Variants in FAM53A observed in about 807,000 individuals in gnomAD.
FAM53A encodes protein FAM53A.
Under a neutral mutation model 26.6 loss-of-function variants are expected in FAM53A, and 28 were observed. That is an observed-to-expected ratio of 1.05 (90% CI 0.78 to 1.45). The LOEUF is 1.45. Ranked by LOEUF, FAM53A falls within the 40% of genes most tolerant of loss-of-function variation. FAM53A has a pLI of 0.00. For synonymous variants in FAM53A, 290 were observed against 253.1 expected, an observed-to-expected ratio of 1.15 and a Z score of -1.38; for missense variants, 650 against 575.8, an observed-to-expected ratio of 1.13 and a Z score of -1.32.
At chr4:1,665,010 AT>A (rs747697142) in intron 2 of FAM53A, among the ~76,000 whole-genome samples, 1 of 150,472 alleles carries the variant, frequency 6.6e-6, no homozygotes, top group South Asian at 2.1e-4. Context: ...ATGAAAAATA[AT>A]TTTTTAAAAA....
chr4:1,680,336 A>C (rs1157498616), intron 1 of FAM53A, among the ~76,000 whole-genome samples: 12 of 134,400 alleles, frequency 8.9e-5, no homozygotes, highest in African/African-American at 1.6e-4. Flanking sequence ...AAAAAAAAAA[A>C]AAAAAAAAAC....
chr4:1,632,102 C>G (rs13435180), intron 1 of FAM53A, among the ~76,000 whole-genome samples: 1 of 147,720 alleles, frequency 6.8e-6, no homozygotes, highest in African/African-American at 2.5e-5. Context: ...AGGTGGAGGT[C>G]GCAGTGAGCT....
chr4:1,663,411 A>G (rs1302528893), intron 2 of FAM53A, among the ~76,000 whole-genome samples: 1 of 152,190 alleles, frequency 6.6e-6, no homozygotes, highest in Non-Finnish European at 1.5e-5. Context: ...AAACTCACAC[A>G]TGAATGTTCA....
chr4:1,683,373 T>C (rs1446111932), intron 1 of FAM53A: 1 of 152,212 alleles, frequency 6.6e-6, no homozygotes, highest in Non-Finnish European at 1.5e-5. Flanking sequence ...TTAAATTTCT[T>C]AAATATTGTG....
chr4:1,578,908 G>A, the FAM53A span, among the ~76,000 whole-genome samples: 1 of 76,472 alleles, frequency 1.3e-5, no homozygotes, highest in African/African-American at 5.1e-5. Flanking sequence ...GGAGGGGAGA[G>A]AAGAGGGGGA....
intron 2 of FAM53A, among the ~76,000 whole-genome samples, chr4:1,663,804 A>G (rs1389385182): frequency 4.0e-5 from 6 of 151,710 alleles, no homozygotes; most frequent in African/African-American, 7.3e-5. Flanking sequence ...CCCCGTCTCT[A>G]CCAAAAACAT....
the FAM53A span, among the ~76,000 whole-genome samples, chr4:1,582,506 G>A: frequency 6.6e-6 from 1 of 152,256 alleles, no homozygotes. Flanking sequence ...GGGAAGACCA[G>A]GAGGAGGCTG....
intron 3 of FAM53A, 33 bp downstream of exon 3, chr4:1,657,375 C>CA (rs1220386315): frequency 6.2e-7 from 1 of 1,601,728 alleles, no homozygotes; most frequent in Non-Finnish European, 8.5e-7. Context: ...CAGCCCTGCT[C>CA]AGGCCTCCGG....
At chr4:1,673,115 C>T (rs1206787995) in intron 1 of FAM53A, among the ~76,000 whole-genome samples, 3 of 152,146 alleles carry the variant, frequency 2.0e-5, no homozygotes, top group Non-Finnish European at 4.4e-5. Flanking sequence ...CAGACAATCT[C>T]AAAACAGGCC....
In FAM53A at chr4:1,660,880, CA is replaced by C. The variant is rs748357968; in HGVS notation, c.76-3413del. Among the ~76,000 whole-genome samples the C allele has an allele frequency of 7.0e-3, 955 of 137,062 alleles. 12 individuals are homozygous for C. The highest frequency in any genetic ancestry group is 0.023 in the African/African-American group (869 of 37,406). The allele number at this position is 137,062 out of a possible 152,430, so 89.9% of individuals were successfully genotyped here. On this transcript the variant is annotated intron_variant, in intron 2 of 4. Transcript: ENST00000308132. ...TGGGTGACAGAGCCAGACTCCATCTCAAAAAAAAAAAAACTAAAAGTTTTTT... is the reference window on the plus strand; with the variant it reads ...TGGGTGACAGAGCCAGACTCCATCTCAAAAAAAAAAAACTAAAAGTTTTTT...
At chr4:1,628,998 G>C (rs930277312) in intron 1 of FAM53A, among the ~76,000 whole-genome samples, 5 of 151,898 alleles carry the variant, frequency 3.3e-5, no homozygotes, top group Non-Finnish European at 2.9e-5. Flanking sequence ...ATGAGTCCCC[G>C]TGACCGCGTG....
chr4:1,612,893 TACAC>T, the FAM53A span, among the ~76,000 whole-genome samples: 1 of 152,056 alleles, frequency 6.6e-6, no homozygotes, highest in African/African-American at 2.4e-5. Flanking sequence ...GGCACCCACT[TACAC>T]ACACATGCCA....
rs1160901144 is a variant in FAM53A at position 1,630,516 on chromosome 4, C to T, written c.432-12405G>A. On this transcript the variant is annotated intron_variant, in intron 1 of 1. Coordinates refer to the FAM53A transcript ENST00000489029. This position sits in a 1 kb window ranked among gnomAD's most constrained non-coding sequence, Gnocchi z 4.3. ...CGAATCGTGTATGGGGACACACAGG[C>T]AAGAGCAGGGTCTACAAAAATACAC... Among the ~76,000 whole-genome samples, 2 of 152,200 alleles carry T rather than the reference C, an allele frequency of 1.3e-5. No homozygotes were observed. Among genetic ancestry groups the T allele is most frequent in the East Asian group, 3.9e-4 (2 of 5,194 alleles).
Position 1,659,707 on chromosome 4 carries a change from T to C in FAM53A, c.76-2239A>G, listed in dbSNP as rs1365243096. ...TGTCAAAAACACTTATTCCTCACAG[T>C]CCTGGAGGCAGAAGTCCAAGATCAA... On this transcript the variant is annotated intron_variant, in intron 2 of 4. Transcript: ENST00000308132. This position sits in a 1 kb window ranked among gnomAD's most constrained non-coding sequence, Gnocchi z 5.2. Among the ~76,000 whole-genome samples, 1 of 152,082 alleles carries C rather than the reference T, an allele frequency of 6.6e-6. No homozygotes were observed. Among genetic ancestry groups the C allele is most frequent in the Non-Finnish European group, 1.5e-5 (1 of 68,004 alleles).
intron 2 of FAM53A, among the ~76,000 whole-genome samples, chr4:1,667,340 G>C (rs953546017): frequency 6.6e-6 from 1 of 152,188 alleles, no homozygotes; most frequent in Non-Finnish European, 1.5e-5. Context: ...ACAGCATCTG[G>C]AAAGAACATG....
intron 1 of FAM53A, chr4:1,618,141 T>C (rs76780438): frequency 0.018 from 8,201 of 456,228 alleles, 368 homozygotes; most frequent in African/African-American, 0.1. Context: ...AGGTGAGTGC[T>C]GCCTCTTGGG....
At chr4:1,673,385 C>A (rs1338947969) in intron 1 of FAM53A, among the ~76,000 whole-genome samples, 1 of 152,194 alleles carries the variant, frequency 6.6e-6, no homozygotes, top group East Asian at 1.9e-4. Flanking sequence ...ACGCCCTCGA[C>A]AGAGAAACGA....
chr4:1,614,195 C>A (rs1714723394), downstream of FAM53A, among the ~76,000 whole-genome samples: 1 of 152,130 alleles, frequency 6.6e-6, no homozygotes, highest in Non-Finnish European at 1.5e-5. Flanking sequence ...TGCGCGCAGC[C>A]CATCCCAGAG....
rs1246888537 is a variant in FAM53A at position 1,669,597 on chromosome 4, C to T, written c.-164-692G>A. 2.0e-5 allele frequency among the ~76,000 whole-genome samples: 3 copies of T among 152,358 alleles called. No homozygotes were observed. The East Asian group carries it at 5.8e-4, about 29-fold the overall frequency. ...CTGCACCCAGCGTGTCCCCAAACTG[C>T]CCCGGCTTTGACCCTTCTCAGGGTC... On this transcript the variant is annotated intron_variant, in intron 1 of 4. Coordinates refer to ENST00000308132, the MANE Select transcript of FAM53A (RefSeq NM_001174070.3).
Sources: gnomAD v4.1 joint callset for allele counts (sites outside exome capture counted in the v4.1 genomes callset) on GRCh38, gnomAD v4.1.1 for gene constraint, Gnocchi (gnomAD v3.1) non-coding constraint, MANE v1.5 for transcripts, NCBI Gene and HGNC (gene_info 2026-07-23, HGNC 2026-07-21) for gene names.